NELL1: variants seen among roughly 807,000 people sequenced by gnomAD.
NELL1 encodes neural EGFL like 1, also known as protein kinase C-binding protein NELL1.
A neutral mutation model predicts 107.4 loss-of-function variants in NELL1; 76 were observed. The observed-to-expected ratio is 0.71, with a 90% confidence interval of 0.59 to 0.86. The LOEUF (loss-of-function observed/expected upper bound fraction) is 0.86. Ranked by LOEUF, NELL1 falls within the 40% of genes least tolerant of loss-of-function variation. NELL1 has a pLI of 0.00. For missense variants in NELL1, 1,024 were observed against 1,005.5 expected (o/e 1.02, Z -0.25); for synonymous variants, 353 against 341.2 (o/e 1.03, Z -0.38).
chr11:20,709,020 C>T (rs1352665356), intron 2 of NELL1, among the ~76,000 whole-genome samples: 1 of 152,116 alleles, frequency 6.6e-6, no homozygotes, highest in Admixed American at 6.6e-5. Context: ...TCTAATGCTG[C>T]TGCTGATCTG....
chr11:21,486,233 C>A (rs1174086294), intron 15 of NELL1, among the ~76,000 whole-genome samples: 1 of 151,984 alleles, frequency 6.6e-6, no homozygotes, highest in Non-Finnish European at 1.5e-5. Flanking sequence ...CACAGACAGG[C>A]ATGCTCAGCT....
At chr11:20,848,339 G>T (rs1848737959) in intron 4 of NELL1, among the ~76,000 whole-genome samples, 1 of 152,190 alleles carries the variant, frequency 6.6e-6, no homozygotes, top group Non-Finnish European at 1.5e-5. Context: ...GGGTTTCACA[G>T]GAGGTTTTGG....
chr11:21,414,588 ATTCTC>A (rs1375832108), intron 15 of NELL1, among the ~76,000 whole-genome samples: 2 of 147,958 alleles, frequency 1.4e-5, no homozygotes, highest in East Asian at 2.0e-4. Context: ...CTGCTAAACC[ATTCTC>A]TTCTCTTAAG....
At chr11:20,798,507 T>A (rs1003178063) in intron 3 of NELL1, among the ~76,000 whole-genome samples, 13 of 97,888 alleles carry the variant, frequency 1.3e-4, no homozygotes, top group Non-Finnish European at 1.9e-4. Context: ...CTAGAGAATT[T>A]AAAAAAACTC....
At chr11:21,336,674 T>TATACACACAC (rs55720144) in intron 14 of NELL1, among the ~76,000 whole-genome samples, 5,203 of 130,068 alleles carry the variant, frequency 0.04, 144 homozygotes, top group Non-Finnish European at 0.059. Context: ...TATATATATA[T>TATACACACAC]ACACACACAC....
At chr11:21,021,611 C>T (rs998603874) in intron 12 of NELL1, among the ~76,000 whole-genome samples, 1 of 152,036 alleles carries the variant, frequency 6.6e-6, no homozygotes, top group African/African-American at 2.4e-5. Flanking sequence ...TCTTTGAATG[C>T]ATGCAAATTG....
rs181838883 is a variant in NELL1, at chr11:21,524,983, A to G, written c.1646-9391A>G. Among the ~76,000 whole-genome samples, 497 of 152,336 alleles carry G rather than the reference A, an allele frequency of 3.3e-3. 9 individuals carry two copies. In the South Asian group the frequency reaches 0.046, roughly 14 times the overall value. ...GAATAAGTTTGAAATGAAGAGACCT[A>G]TGAGATTTGCAAATCCATAGGCAAT... On this transcript the variant is annotated intron_variant, in intron 15 of 19. Coordinates refer to ENST00000357134, the MANE Select transcript of NELL1 (RefSeq NM_006157.5).
At chr11:21,245,964 G>A (rs946922212) in intron 14 of NELL1, among the ~76,000 whole-genome samples, 2 of 152,090 alleles carry the variant, frequency 1.3e-5, no homozygotes, top group Non-Finnish European at 2.9e-5. Context: ...TTGGGCATCA[G>A]AATAGTGACA....
intron 18 of NELL1, among the ~76,000 whole-genome samples, chr11:21,572,503 T>C (rs1023535698): frequency 6.6e-6 from 1 of 151,862 alleles, no homozygotes; most frequent in African/African-American, 2.4e-5. Context: ...TATTATGCCA[T>C]AGATTATAAT....
chr11:21,199,336 T>C (rs1438882918), intron 13 of NELL1, among the ~76,000 whole-genome samples: 2 of 152,026 alleles, frequency 1.3e-5, no homozygotes, highest in African/African-American at 4.8e-5. Context: ...CAAGACAGAG[T>C]ACCCTCCAGG....
At chr11:20,882,208 A>G (rs1397941653) in intron 4 of NELL1, among the ~76,000 whole-genome samples, 1 of 152,110 alleles carries the variant, frequency 6.6e-6, no homozygotes, top group East Asian at 1.9e-4. Context: ...TGATAATTCA[A>G]TTTCTTAGTT....
chr11:20,713,229 G>A (rs1372403624), intron 2 of NELL1, among the ~76,000 whole-genome samples: 1 of 152,086 alleles, frequency 6.6e-6, no homozygotes, highest in Non-Finnish European at 1.5e-5. Flanking sequence ...CAAAGCTCCG[G>A]AGTGTCTGTC....
At chr11:20,957,662 T>G (rs1851204253) in intron 11 of NELL1, among the ~76,000 whole-genome samples, 1 of 151,842 alleles carries the variant, frequency 6.6e-6, no homozygotes. Context: ...AAAAGGAAAT[T>G]TAAAAAAATG....
chr11:20,790,833 GC>G (rs1857059963), intron 3 of NELL1, among the ~76,000 whole-genome samples: 1 of 152,174 alleles, frequency 6.6e-6, no homozygotes. Flanking sequence ...GCTCCCAGTG[GC>G]TCCACAAAGC....
intron 16 of NELL1, among the ~76,000 whole-genome samples, chr11:21,556,344 G>A (rs972170613): frequency 6.6e-6 from 1 of 151,928 alleles, no homozygotes; most frequent in African/African-American, 2.4e-5. Flanking sequence ...GAGGAATATG[G>A]GGTAATGAAA....
At chr11:20,772,613 T>TCA (rs139619588) in intron 2 of NELL1, among the ~76,000 whole-genome samples, 1 of 150,818 alleles carries the variant, frequency 6.6e-6, no homozygotes, top group African/African-American at 2.4e-5. Context: ...ATTAGGCACT[T>TCA]TTCATTCATT....
At chr11:21,381,842 A>G (rs905569503) in intron 15 of NELL1, among the ~76,000 whole-genome samples, 26 of 150,752 alleles carry the variant, frequency 1.7e-4, no homozygotes, top group African/African-American at 6.4e-4. Context: ...CTGGGGAAAG[A>G]CTGAGCTGAT....
At chr11:21,404,011 C>G (rs868041343) in intron 15 of NELL1, among the ~76,000 whole-genome samples, 1 of 109,482 alleles carries the variant, frequency 9.1e-6, no homozygotes, top group Non-Finnish European at 1.9e-5. Flanking sequence ...CTGAACCCCC[C>G]CCCCCGCAAT....
At chr11:21,067,296 G>T (rs771148318) in intron 12 of NELL1, among the ~76,000 whole-genome samples, 1 of 152,170 alleles carries the variant, frequency 6.6e-6, no homozygotes, top group Non-Finnish European at 1.5e-5. Flanking sequence ...GGACAGCGCT[G>T]AAGTCAAATG....
Sources: gnomAD v4.1 joint callset for allele counts (sites outside exome capture counted in the v4.1 genomes callset) on GRCh38, gnomAD v4.1.1 for gene constraint, MANE v1.5 for transcripts, NCBI Gene and HGNC (gene_info 2026-07-23, HGNC 2026-07-21) for gene names.